Variants in PHF2 observed in about 807,000 individuals in gnomAD.
PHF2 encodes PHD finger protein 2.
Under a neutral mutation model 120.5 loss-of-function variants are expected in PHF2, and 27 were observed. The ratio of observed to expected loss-of-function variants is 0.22; its 90% CI spans 0.17 to 0.31. The LOEUF is 0.31. PHF2 is among the 10% of genes least tolerant of loss of function. The pLI is 1.00. For missense variants in PHF2, 1,024 were observed against 1,434.8 expected, an observed-to-expected ratio of 0.71 and a Z score of 4.63; for synonymous variants, 568 against 592.5, an observed-to-expected ratio of 0.96 and a Z score of 0.60.
At chr9:93,618,352 G>C (rs1309317062) in intron 1 of PHF2, among the ~76,000 whole-genome samples, 2 of 152,266 alleles carry the variant, frequency 1.3e-5, no homozygotes, top group Non-Finnish European at 2.9e-5. Context: ...CTCGTGGGCA[G>C]ACGCATAGAC....
At chr9:93,644,546 G>T (rs1462217259) in intron 3 of PHF2, among the ~76,000 whole-genome samples, 1 of 152,140 alleles carries the variant, frequency 6.6e-6, no homozygotes, top group Non-Finnish European at 1.5e-5. Flanking sequence ...GGCCTTGGGT[G>T]GTGCACTCCT....
At position 93,660,283 on chromosome 9, in the gene PHF2, C is replaced by T; in HGVS notation, c.1421C>T (p.Ser474Phe). 6.2e-7 allele frequency: 1 copy of T among 1,610,576 alleles called. No individual in the cohort carries two copies. The highest frequency in any genetic ancestry group is 1.1e-5 in the South Asian group (1 of 90,424). The change falls in exon 12 of 22, where the codon TCT becomes TTT. Residue 474 changes from serine (S) to phenylalanine (F), a missense_variant. Ser to Phe is a radical substitution (Grantham distance 155, BLOSUM62 -2). This residue lies in a region of PHF2 where 677 missense variants were observed against 857.4 expected (regional missense o/e 0.79). Coordinates refer to ENST00000359246, the MANE Select transcript of PHF2 (RefSeq NM_005392.4). ...DGDREKEEPP[S>F]PIEATPPQSL... ...GACCGGGAGAAGGAGGAGCCCCCGT[C>T]TCCCATTGAGGCCACCCCGCCTCAA...
intron 7 of PHF2, among the ~76,000 whole-genome samples, chr9:93,654,853 C>T (rs1826430845): frequency 6.6e-6 from 1 of 152,234 alleles, no homozygotes; most frequent in Non-Finnish European, 1.5e-5. Context: ...ACCGAGGCCA[C>T]CTTGGAGCTG....
At chr9:93,620,099 T>G (rs969720195) in intron 1 of PHF2, among the ~76,000 whole-genome samples, 6 of 152,174 alleles carry the variant, frequency 3.9e-5, no homozygotes, top group Non-Finnish European at 5.9e-5. Context: ...TGTGACCTGC[T>G]CTTTCTGCAG....
rs188907591 is a variant in PHF2 at position 93,600,350 on chromosome 9, C to T, written c.98+23479C>T. Among the ~76,000 whole-genome samples the T allele has an allele frequency of 9.9e-5, 15 of 152,252 alleles. No homozygotes were observed. The East Asian group carries it at 2.9e-3, about 29-fold the overall frequency. The stretch of plus-strand genomic sequence containing the variant: ...AGGGGAAGAGGCAGCTCCTGGAGGG[C>T]AGGGCACTCAGTGTCCAGAGCTGCG... On this transcript the variant is annotated intron_variant, in intron 1 of 21. Transcript: ENST00000359246.
At chr9:93,644,800 T>C (rs1260191012) in intron 3 of PHF2, among the ~76,000 whole-genome samples, 1 of 152,042 alleles carries the variant, frequency 6.6e-6, no homozygotes, top group Admixed American at 6.5e-5. Flanking sequence ...CAGACCACAC[T>C]TCCCCTGGGC....
chr9:93,630,878 A>G (rs960532362), intron 2 of PHF2, among the ~76,000 whole-genome samples: 3 of 152,140 alleles, frequency 2.0e-5, no homozygotes, highest in African/African-American at 7.2e-5. Context: ...GTGCTCACAG[A>G]ATCTGCAGGC....
intron 1 of PHF2, among the ~76,000 whole-genome samples, chr9:93,619,844 T>A (rs1048600220): frequency 6.6e-6 from 1 of 152,174 alleles, no homozygotes; most frequent in African/African-American, 2.4e-5. Context: ...TTTGTTGATG[T>A]TCTGTTTAAT....
intron 2 of PHF2, among the ~76,000 whole-genome samples, chr9:93,635,079 T>C (rs1199299436): frequency 6.6e-6 from 1 of 152,234 alleles, no homozygotes; most frequent in East Asian, 1.9e-4. Flanking sequence ...TGCTCATCTG[T>C]GCCCGATGCT....
At chr9:93,666,093 G>T in intron 16 of PHF2, 33 bp downstream of exon 16, 1 of 1,603,752 alleles carries the variant, frequency 6.2e-7, no homozygotes, top group Non-Finnish European at 8.5e-7. Flanking sequence ...CTCAGTCTCG[G>T]GGGGCATCTC....
chr9:93,667,284 A>C, intron 17 of PHF2, 44 bp downstream of exon 17: 1 of 1,585,756 alleles, frequency 6.3e-7, no homozygotes, highest in Non-Finnish European at 8.6e-7. Context: ...GGGACCAGGC[A>C]GGCCCAGGGC....
chr9:93,656,121 C>G lies in PHF2; in HGVS notation c.1040+100C>G. The G allele has an allele frequency of 2.1e-6, 2 of 941,826 alleles. No individual in the cohort carries two copies. The highest frequency in any genetic ancestry group is 3.1e-5 in the South Asian group (2 of 65,510). The allele number at this position is 941,826 out of a possible 1,614,324, so 58.3% of individuals were successfully genotyped here. Reference sequence around the variant, plus strand: ...GCCTTGGGCTGAGTCCTGGCACAGCCCGCCTGTGGGTGGCCTGGACATGAC... The same window carrying G: ...GCCTTGGGCTGAGTCCTGGCACAGCGCGCCTGTGGGTGGCCTGGACATGAC... On this transcript the variant is annotated intron_variant, in intron 8 of 21. Coordinates refer to ENST00000359246, the MANE Select transcript of PHF2 (RefSeq NM_005392.4). This position sits in a 1 kb window ranked among gnomAD's most constrained non-coding sequence, Gnocchi z 4.1.
intron 1 of PHF2, among the ~76,000 whole-genome samples, chr9:93,582,814 C>G (rs1862956032): frequency 6.6e-6 from 1 of 152,138 alleles, no homozygotes; most frequent in Non-Finnish European, 1.5e-5. Flanking sequence ...TGGTGTGAGC[C>G]TCATCTTAAT....
At chr9:93,661,852 A>ATAAATGGATGGATGGATGAG (rs1228565574) in intron 12 of PHF2, among the ~76,000 whole-genome samples, 1 of 152,012 alleles carries the variant, frequency 6.6e-6, no homozygotes, top group Admixed American at 6.6e-5. Flanking sequence ...GGATTGATGA[A>ATAAATGGATGGATGGATGAG]TAAATGGATG....
At chr9:93,599,008 G>A (rs1383800806) in intron 1 of PHF2, among the ~76,000 whole-genome samples, 3 of 152,164 alleles carry the variant, frequency 2.0e-5, no homozygotes, top group African/African-American at 7.2e-5. Context: ...GTGCCTCTCA[G>A]ACATGATGTC....
At chr9:93,649,005 G>T (rs1587705150) in intron 4 of PHF2, 66 bp from the exon 5 acceptor site, 1 of 1,532,882 alleles carries the variant, frequency 6.5e-7, no homozygotes, top group African/African-American at 1.4e-5. Context: ...CACTCCACAC[G>T]TCCTGGCCTC....
Position 93,629,143 on chromosome 9 carries a change from C to T in PHF2, c.99-827C>T, listed in dbSNP as rs367953096. Reference sequence around the variant, plus strand: ...CTCGAACTCCTGACCTCAAGTGATCCGCCCACCTCGGCCTCTCAAAGTGCT... The same window carrying T: ...CTCGAACTCCTGACCTCAAGTGATCTGCCCACCTCGGCCTCTCAAAGTGCT... On this transcript the variant is annotated intron_variant, in intron 1 of 21. Transcript: ENST00000359246. Among the ~76,000 whole-genome samples the T allele has an allele frequency of 1.2e-4, 18 of 152,212 alleles. No individual in the cohort carries two copies. In the East Asian group the frequency reaches 2.3e-3, roughly 20 times the overall value.
At chr9:93,635,383 G>C (rs141994705) in intron 2 of PHF2, among the ~76,000 whole-genome samples, 6 of 151,972 alleles carry the variant, frequency 3.9e-5, no homozygotes, top group African/African-American at 1.4e-4. Context: ...CCTTGCCTTT[G>C]TCTGTGAAGG....
At chr9:93,605,927 G>A (rs1450861278) in intron 1 of PHF2, among the ~76,000 whole-genome samples, 1 of 152,098 alleles carries the variant, frequency 6.6e-6, no homozygotes, top group African/African-American at 2.4e-5. Context: ...AGATACCAAG[G>A]AGTATAATGA....
Sources: allele counts gnomAD v4.1 joint callset (sites outside exome capture counted in the v4.1 genomes callset), GRCh38; gene constraint gnomAD v4.1.1; regional missense constraint gnomAD v4.1.1; non-coding constraint Gnocchi (gnomAD v3.1); transcripts MANE v1.5; gene names NCBI Gene and HGNC (gene_info 2026-07-23, HGNC 2026-07-21).